PHKB: variants seen among roughly 807,000 people sequenced by gnomAD.
PHKB encodes the protein phosphorylase b kinase regulatory subunit beta.
Under a neutral mutation model 152.1 loss-of-function variants are expected in PHKB, and 122 were observed. The ratio of observed to expected loss-of-function variants is 0.80; its 90% CI spans 0.69 to 0.93. PHKB has a LOEUF of 0.93. Among genes scored for constraint, PHKB ranks in the 40% least tolerant of loss-of-function variants. The pLI is 0.00. For missense variants in PHKB, 1,304 were observed against 1,328.4 expected (o/e 0.98, Z 0.29); for synonymous variants, 436 against 464.9 (o/e 0.94, Z 0.80).
At chr16:47,519,986 A>AT (rs1268345307) in intron 6 of PHKB, among the ~76,000 whole-genome samples, 2 of 151,646 alleles carry the variant, frequency 1.3e-5, no homozygotes, top group East Asian at 3.9e-4. Flanking sequence ...AAAATATTAA[A>AT]TTTTTTTTCT....
chr16:47,560,227 G>C (rs1191485141), intron 7 of PHKB, among the ~76,000 whole-genome samples: 1 of 152,194 alleles, frequency 6.6e-6, no homozygotes, highest in Non-Finnish European at 1.5e-5. Context: ...CTCTGGGCTT[G>C]TTCCCTCATC....
chr16:47,477,267 A>C (rs1969884552), intron 1 of PHKB, among the ~76,000 whole-genome samples: 1 of 151,976 alleles, frequency 6.6e-6, no homozygotes, highest in African/African-American at 2.4e-5. Context: ...TTTTTTCTTT[A>C]CTAGGCTATG....
At chr16:47,461,477 T>C in intron 1 of PHKB, 51 bp downstream of exon 1, 1 of 1,590,552 alleles carries the variant, frequency 6.3e-7, no homozygotes, top group Non-Finnish European at 8.6e-7. Flanking sequence ...GGGTGGTGCT[T>C]CGCCTCAAGC....
At chr16:47,657,020 G>A (rs539324014) in intron 20 of PHKB, among the ~76,000 whole-genome samples, 3 of 152,190 alleles carry the variant, frequency 2.0e-5, no homozygotes, top group Admixed American at 1.3e-4. Flanking sequence ...TAATTTTACA[G>A]CTTAGGTGAC....
chr16:47,689,255 A>C, intron 27 of PHKB, 80 bp downstream of exon 27: 1 of 1,371,234 alleles, frequency 7.3e-7, no homozygotes, highest in Non-Finnish European at 1.0e-6. Context: ...ATATCTATGA[A>C]ATTGATAAGA....
At chr16:47,515,931 CTT>C (rs753864226) in intron 6 of PHKB, among the ~76,000 whole-genome samples, 27 of 140,216 alleles carry the variant, frequency 1.9e-4, no homozygotes, top group Admixed American at 2.1e-4. Context: ...CAATTATTGT[CTT>C]TTTTTTTTTT....
chr16:47,516,563 G>A (rs1169663472), intron 6 of PHKB, among the ~76,000 whole-genome samples: 1 of 152,134 alleles, frequency 6.6e-6, no homozygotes, highest in East Asian at 1.9e-4. Flanking sequence ...TACTATATAT[G>A]TTTGTTACTA....
intron 23 of PHKB, 91 bp downstream of exon 23, chr16:47,661,891 A>G (rs1973451768): frequency 2.3e-6 from 2 of 852,930 alleles, no homozygotes. Context: ...CTAAAATGTT[A>G]CAAGTTATTT....
At chr16:47,498,236 A>C (rs1567280058) in intron 2 of PHKB, among the ~76,000 whole-genome samples, 1 of 152,054 alleles carries the variant, frequency 6.6e-6, no homozygotes, top group Non-Finnish European at 1.5e-5. Context: ...TAAGTTGCCC[A>C]TTTTATTATC....
In PHKB at chr16:47,499,752, G is replaced by A; in HGVS notation, c.167-4G>A. The A allele has an allele frequency of 6.2e-7, 1 of 1,614,072 alleles. No individual in the cohort carries two copies. Among genetic ancestry groups the A allele is most frequent in the East Asian group, 2.2e-5 (1 of 44,876 alleles). ...TTCATTCTTTGTCTTGTCCTCAATT[G>A]CAGTCAAGTCAACATTGCTGCTGTA... On this transcript the variant is annotated splice_polypyrimidine_tract_variant and splice_region_variant and intron_variant, in intron 2 of 30. Transcript: ENST00000323584.
At chr16:47,473,721 AT>A (rs1383655424) in intron 1 of PHKB, among the ~76,000 whole-genome samples, 2 of 152,160 alleles carry the variant, frequency 1.3e-5, no homozygotes, top group Non-Finnish European at 2.9e-5. Flanking sequence ...CTTAATGAGA[AT>A]TTTTTTAAAG....
chr16:47,543,353 A>T (rs973102319), intron 6 of PHKB, among the ~76,000 whole-genome samples: 4 of 152,172 alleles, frequency 2.6e-5, no homozygotes, highest in African/African-American at 9.7e-5. Context: ...GATGATGCCA[A>T]CTTGATCGTG....
chr16:47,648,619 A>C lies in PHKB; in HGVS notation c.1692+3A>C. The C allele has an allele frequency of 6.2e-7, 1 of 1,603,216 alleles. No individual in the cohort carries two copies. The highest frequency in any genetic ancestry group is 8.5e-7 in the Non-Finnish European group (1 of 1,170,172). On this transcript the variant is annotated splice_donor_region_variant and intron_variant, in intron 17 of 30. Coordinates refer to ENST00000323584, the MANE Select transcript of PHKB (RefSeq NM_000293.3). ...TTGGCTGCCTCGGGACATCAAAGGT[A>C]CTCATGAAATGTCCTCAAAAAGTAG...
intron 14 of PHKB, among the ~76,000 whole-genome samples, chr16:47,632,256 A>G (rs1972841053): frequency 2.6e-5 from 4 of 152,212 alleles, no homozygotes; most frequent in African/African-American, 9.6e-5. Context: ...CTGATGTTTA[A>G]TGGTGCCACT....
chr16:47,603,659 A>G (rs999536089), intron 13 of PHKB, among the ~76,000 whole-genome samples: 10 of 151,882 alleles, frequency 6.6e-5, no homozygotes, highest in African/African-American at 2.4e-4. Context: ...GCTCACCACC[A>G]CGCCCGGCTA....
intron 7 of PHKB, among the ~76,000 whole-genome samples, chr16:47,555,032 A>G (rs1971344631): frequency 6.6e-6 from 1 of 152,202 alleles, no homozygotes; most frequent in Admixed American, 6.5e-5. Context: ...TCGCTTTTCT[A>G]ATAAAGAAAG....
At chr16:47,603,568 A>G (rs920346656) in intron 13 of PHKB, among the ~76,000 whole-genome samples, 7 of 143,942 alleles carry the variant, frequency 4.9e-5, no homozygotes, top group Non-Finnish European at 8.9e-5. Flanking sequence ...CAGTGGCACT[A>G]TCTCGGCTCA....
intron 14 of PHKB, among the ~76,000 whole-genome samples, chr16:47,636,461 C>G (rs1456415908): frequency 2.0e-5 from 3 of 152,216 alleles, no homozygotes; most frequent in Non-Finnish European, 4.4e-5. Context: ...CCAGCCGCAG[C>G]TCCAGACCCA....
chr16:47,495,189 CCT>C (rs1491526873), intron 1 of PHKB, among the ~76,000 whole-genome samples: 1 of 147,780 alleles, frequency 6.8e-6, no homozygotes, highest in Non-Finnish European at 1.5e-5. Context: ...TAACAGAACT[CCT>C]TTTTTTTTTT....
Sources: allele counts gnomAD v4.1 joint callset (sites outside exome capture counted in the v4.1 genomes callset), GRCh38; gene constraint gnomAD v4.1.1; transcripts MANE v1.5; gene names NCBI Gene and HGNC (gene_info 2026-07-23, HGNC 2026-07-21).